TBC1D19: variants seen among roughly 807,000 people sequenced by gnomAD.
TBC1D19 encodes TBC1 domain family, member 19.
A neutral mutation model predicts 89.0 loss-of-function variants in TBC1D19; 60 were observed. The observed-to-expected ratio is 0.67, with a 90% CI of 0.55 to 0.84. TBC1D19 has a LOEUF of 0.84. Among genes scored for constraint, TBC1D19 ranks in the 40% least tolerant of loss-of-function variants. TBC1D19 has a pLI of 0.00. For synonymous variants in TBC1D19, 189 were observed against 199.7 expected, an observed-to-expected ratio of 0.95 and a Z score of 0.45; for missense variants, 500 against 610.8, an observed-to-expected ratio of 0.82 and a Z score of 1.91.
rs1382247460 is a variant in TBC1D19 at position 26,600,595 on chromosome 4, G to A, written c.100-12574G>A. Among the ~76,000 whole-genome samples the A allele has an allele frequency of 2.6e-5, 4 of 152,164 alleles. No individual in the cohort carries two copies. The East Asian group carries it at 7.7e-4, about 29-fold the overall frequency. ...CTAAATGTGAAGTGAATACTTTCAGGCATAGAGTATACCACGAAAGGAGGC... is the reference window on the plus strand; with the variant it reads ...CTAAATGTGAAGTGAATACTTTCAGACATAGAGTATACCACGAAAGGAGGC... On this transcript the variant is annotated intron_variant, in intron 1 of 20. Coordinates refer to ENST00000264866, the MANE Select transcript of TBC1D19 (RefSeq NM_018317.4).
At chr4:26,752,655 T>C (rs1426621529) in intron 19 of TBC1D19, among the ~76,000 whole-genome samples, 1 of 152,216 alleles carries the variant, frequency 6.6e-6, no homozygotes, top group Non-Finnish European at 1.5e-5. Flanking sequence ...AAGAGTTAGC[T>C]CCAAGCAGTA....
intron 13 of TBC1D19, among the ~76,000 whole-genome samples, chr4:26,695,087 A>G (rs1274186132): frequency 1.3e-5 from 2 of 151,494 alleles, no homozygotes; most frequent in Non-Finnish European, 3.0e-5. Flanking sequence ...AGATGACCAA[A>G]CTGCTCTGAG....
At chr4:26,700,242 C>T (rs1339643995) in intron 13 of TBC1D19, among the ~76,000 whole-genome samples, 1 of 151,970 alleles carries the variant, frequency 6.6e-6, no homozygotes, top group Non-Finnish European at 1.5e-5. Context: ...CATTAATCTA[C>T]ACATCCAAGA....
chr4:26,734,271 A>G (rs1717833255), intron 15 of TBC1D19, among the ~76,000 whole-genome samples: 1 of 152,186 alleles, frequency 6.6e-6, no homozygotes, highest in South Asian at 2.1e-4. Flanking sequence ...CTGAGGCTGA[A>G]CTATCATTTA....
At chr4:26,817,996 A>G in the TBC1D19 span, among the ~76,000 whole-genome samples, 2 of 145,790 alleles carry the variant, frequency 1.4e-5, no homozygotes, top group South Asian at 4.2e-4. Context: ...ATATATATAT[A>G]TATATATGAA....
chr4:26,577,499 T>C (rs1044755360), intron 1 of TBC1D19, among the ~76,000 whole-genome samples: 1 of 152,226 alleles, frequency 6.6e-6, no homozygotes, highest in African/African-American at 2.4e-5. Flanking sequence ...AAATGGGTTT[T>C]CTTTTCTTCA....
the TBC1D19 span, among the ~76,000 whole-genome samples, chr4:26,810,845 A>G: frequency 2.0e-5 from 3 of 152,194 alleles, no homozygotes; most frequent in African/African-American, 4.8e-5. Flanking sequence ...GCCTAGCACC[A>G]TACTACATGG....
At chr4:26,696,782 C>T (rs1225607597) in intron 13 of TBC1D19, among the ~76,000 whole-genome samples, 2 of 152,122 alleles carry the variant, frequency 1.3e-5, no homozygotes, top group Admixed American at 1.3e-4. Flanking sequence ...GAAATGAAGG[C>T]AGAAATAAAG....
At chr4:26,783,735 G>C in the TBC1D19 span, among the ~76,000 whole-genome samples, 1 of 152,140 alleles carries the variant, frequency 6.6e-6, no homozygotes, top group African/African-American at 2.4e-5. Flanking sequence ...TAAGACAGGA[G>C]GATGCGGGTG....
intron 1 of TBC1D19, among the ~76,000 whole-genome samples, chr4:26,603,098 T>A (rs944609619): frequency 6.6e-6 from 1 of 152,176 alleles, no homozygotes; most frequent in African/African-American, 2.4e-5. Flanking sequence ...AAAGTGAGCC[T>A]CTCATTTCAA....
chr4:26,854,219 T>C, the TBC1D19 span, among the ~76,000 whole-genome samples: 255 of 152,380 alleles, frequency 1.7e-3, 1 homozygote, highest in Non-Finnish European at 2.7e-3. Flanking sequence ...TGGTGACAGA[T>C]ATTTTTAAAC....
intron 18 of TBC1D19, among the ~76,000 whole-genome samples, chr4:26,746,513 G>A (rs774342837): frequency 3.0e-4 from 46 of 151,758 alleles, no homozygotes; most frequent in Admixed American, 7.9e-4. Context: ...GTGGTTTTTC[G>A]GTTATTGTAT....
chr4:26,606,286 G>A (rs1348901222), intron 1 of TBC1D19, among the ~76,000 whole-genome samples: 1 of 152,184 alleles, frequency 6.6e-6, no homozygotes, highest in Non-Finnish European at 1.5e-5. Context: ...ACTGGACCTT[G>A]CTCAGAGAGG....
Position 26,585,618 on chromosome 4 carries a change from C to T in TBC1D19, c.99+1326C>T, listed in dbSNP as rs943953286. 3.3e-5 allele frequency among the ~76,000 whole-genome samples: 5 copies of T among 151,806 alleles called. No individual in the cohort carries two copies. The East Asian group carries it at 7.7e-4, about 23-fold the overall frequency. On this transcript the variant is annotated intron_variant, in intron 1 of 20. Coordinates refer to ENST00000264866, the MANE Select transcript of TBC1D19 (RefSeq NM_018317.4). ...TTTTTTTTTGAGACGGAGTCTTCCTCTGTCACCCTGGCTGGAGTGCAGTGG... is the reference window on the plus strand; with the variant it reads ...TTTTTTTTTGAGACGGAGTCTTCCTTTGTCACCCTGGCTGGAGTGCAGTGG...
At chr4:26,711,428 T>A (rs1716181905) in intron 13 of TBC1D19, among the ~76,000 whole-genome samples, 1 of 152,136 alleles carries the variant, frequency 6.6e-6, no homozygotes, top group Admixed American at 6.6e-5. Flanking sequence ...AGTTTTACGT[T>A]AAAGTGATTG....
rs1712960252 is a variant in TBC1D19, at chr4:26,677,678, G to A, written c.816+3790G>A. On this transcript the variant is annotated intron_variant, in intron 11 of 20. Coordinates refer to ENST00000264866, the MANE Select transcript of TBC1D19 (RefSeq NM_018317.4). Reference sequence around the variant, plus strand: ...TACTTATAATTCCCATGTGTCATGGGAGGGACTAGGTGGAGATAATTAAAT... The same window carrying A: ...TACTTATAATTCCCATGTGTCATGGAAGGGACTAGGTGGAGATAATTAAAT... 2.0e-5 allele frequency among the ~76,000 whole-genome samples: 3 copies of A among 152,112 alleles called. No individual in the cohort carries two copies. In the South Asian group the frequency reaches 6.2e-4, roughly 32 times the overall value.
chr4:26,639,991 T>G, intron 6 of TBC1D19, 150 bp from the exon 7 acceptor site: 1 of 485,202 alleles, frequency 2.1e-6, no homozygotes, highest in Non-Finnish European at 3.6e-6. Context: ...CATTTTAATG[T>G]TCTCTGTACT....
At chr4:26,761,810 T>C in the TBC1D19 span, among the ~76,000 whole-genome samples, 3 of 152,236 alleles carry the variant, frequency 2.0e-5, no homozygotes, top group African/African-American at 4.8e-5. Flanking sequence ...TTATAAACAA[T>C]AGTTTGGCCA....
Position 26,753,833 on chromosome 4 carries a change from C to T in TBC1D19, c.1449C>T (p.Ala483=), listed in dbSNP as rs769975715. 2.3e-5 allele frequency: 37 copies of T among 1,613,768 alleles called. No individual in the cohort carries two copies. Among genetic ancestry groups the T allele is most frequent in the Admixed American group, 1.3e-4 (8 of 59,970 alleles). The change falls in exon 20 of 21, where the codon GCC becomes GCT. Residue 483 remains alanine (A), a synonymous_variant. Transcript: ENST00000264866. ...ATTCTTTTCCAGTGCTGGCAGCTGC[C>T]GTGTTTGCTTTCCGAGCAGTGAACC... The part of the protein sequence containing the change: ...SLEILAVLAA[A]VFAFRAVNLM...
Sources: allele counts gnomAD v4.1 joint callset (sites outside exome capture counted in the v4.1 genomes callset), GRCh38; gene constraint gnomAD v4.1.1; transcripts MANE v1.5; gene names NCBI Gene and HGNC (gene_info 2026-07-23, HGNC 2026-07-21).